Variants in MAP4 observed in about 807,000 individuals in gnomAD.
MAP4 encodes microtubule-associated protein 4.
Under a neutral mutation model 170.2 loss-of-function variants are expected in MAP4, and 76 were observed. The observed-to-expected ratio is 0.45, with a 90% CI of 0.37 to 0.54. The LOEUF (loss-of-function observed/expected upper bound fraction) is 0.54, where lower values mean the gene tolerates loss of function less well. Ranked by LOEUF, MAP4 falls within the 20% of genes least tolerant of loss-of-function variation. The pLI is 0.00. For missense variants in MAP4, 2,506 were observed against 2,748.0 expected (o/e 0.91, Z 1.97); for synonymous variants, 909 against 994.5 (o/e 0.91, Z 1.62).
chr3:48,024,530 T>C (rs1423182272), intron 1 of MAP4, among the ~76,000 whole-genome samples: 1 of 152,160 alleles, frequency 6.6e-6, no homozygotes, highest in Non-Finnish European at 1.5e-5. Context: ...TGCTTGCTGG[T>C]GCTCTTTGCT....
chr3:48,063,253 T>G (rs1384254440), intron 1 of MAP4, among the ~76,000 whole-genome samples: 1 of 151,596 alleles, frequency 6.6e-6, no homozygotes, highest in Non-Finnish European at 1.5e-5. Flanking sequence ...ATAGGAAATC[T>G]CATTCATTGC....
At position 47,852,884 on chromosome 3, in the gene MAP4, C is replaced by G. The variant is rs748737939; in HGVS notation, c.*50G>C. The G allele has an allele frequency of 6.3e-7, 1 of 1,592,070 alleles. No individual in the cohort carries two copies. Among genetic ancestry groups the G allele is most frequent in the East Asian group, 2.3e-5 (1 of 43,514 alleles). On this transcript the variant is annotated 3_prime_UTR_variant, in exon 21 of 21. Transcript: ENST00000683076. ...GGGGGGCGGGAGACAATGTCGGCCC[C>G]GTGGTCGGTGCGGGCCCTGGCATTT...
chr3:47,867,853 A>G (rs2083240987), intron 16 of MAP4, among the ~76,000 whole-genome samples: 1 of 152,244 alleles, frequency 6.6e-6, no homozygotes, highest in African/African-American at 2.4e-5. Context: ...AGCACTGGGC[A>G]GCTGGCAACA....
In MAP4 at chr3:48,074,725, T is replaced by TGTGTGTGTGA. The variant is rs756153345; in HGVS notation, c.-20+14047_-20+14048insTCACACACAC. Among the ~76,000 whole-genome samples the TGTGTGTGTGA allele has an allele frequency of 1.5e-3, 222 of 147,378 alleles. 1 individual carries two copies. The highest frequency in any genetic ancestry group is 4.4e-3 in the African/African-American group (173 of 39,306). ...GTGTGTGTGTGTGTGTGTGTGTGTG[T>TGTGTGTGTGA]GATATGTCGGCCAGACTGGTCTCGA... On this transcript the variant is annotated intron_variant, in intron 1 of 18. Coordinates refer to the MAP4 transcript ENST00000360240.
At chr3:47,876,826 T>A (rs1485412929) in intron 11 of MAP4, 4 of 152,178 alleles carry the variant, frequency 2.6e-5, no homozygotes, top group Non-Finnish European at 5.9e-5. Flanking sequence ...AGTAAATAAT[T>A]CAGAATTTAT....
intron 1 of MAP4, among the ~76,000 whole-genome samples, chr3:48,030,866 T>G (rs1366166624): frequency 6.7e-6 from 1 of 148,700 alleles, no homozygotes; most frequent in Non-Finnish European, 1.5e-5. Context: ...CTAAAAAAGT[T>G]CCCAATGACC....
At chr3:47,974,635 A>T in intron 3 of MAP4, 1 of 952,194 alleles carries the variant, frequency 1.1e-6, no homozygotes, top group Non-Finnish European at 1.3e-6. Context: ...CTATAAATAC[A>T]ATCAAAGCAT....
chr3:47,954,685 G>A (rs2100066613), intron 3 of MAP4, among the ~76,000 whole-genome samples: 1 of 152,200 alleles, frequency 6.6e-6, no homozygotes, highest in Non-Finnish European at 1.5e-5. Flanking sequence ...AGACCTTTCA[G>A]GGATTACTAA....
At chr3:48,087,741 A>ACGCGCGCGCACACACACACACACGCG (rs5848844) in intron 1 of MAP4, among the ~76,000 whole-genome samples, 2 of 125,172 alleles carry the variant, frequency 1.6e-5, no homozygotes, top group Admixed American at 8.0e-5. Flanking sequence ...ACACACACGC[A>ACGCGCGCGCACACACACACACACGCG]CGCGCACACA....
rs1396343522 is a variant in MAP4, at chr3:47,910,847, C to T, written c.3574G>A (p.Gly1192Arg). 6.5e-7 allele frequency: 1 copy of T among 1,536,128 alleles called. No individual in the cohort carries two copies. Among genetic ancestry groups the T allele is most frequent in the Non-Finnish European group, 8.7e-7 (1 of 1,146,904 alleles). ...DMGVNNQSKEGRCPWKDHEAA... is the reference protein window; with the variant it reads ...DMGVNNQSKERRCPWKDHEAA... Reference sequence around the variant, plus strand: ...TCATGATCCTTCCATGGACACCTTCCTTCCTTGCTCTGGTTATTGACACCC... The same window carrying T: ...TCATGATCCTTCCATGGACACCTTCTTTCCTTGCTCTGGTTATTGACACCC... The change falls in exon 9 of 21, where the codon GGA becomes AGA. Residue 1192 changes from glycine (G) to arginine (R), a missense_variant. Around this residue, in one of 3 missense-constraint regions of MAP4, gnomAD observed 2,008 missense variants for 2,206.0 expected, o/e 0.91. Coordinates refer to ENST00000683076, the MANE Select transcript of MAP4 (RefSeq NM_001385682.1).
intron 3 of MAP4, among the ~76,000 whole-genome samples, chr3:47,948,328 G>A (rs181727921): frequency 5.8e-4 from 87 of 151,248 alleles, no homozygotes; most frequent in Non-Finnish European, 1.1e-3. Flanking sequence ...CAACCTCCTG[G>A]GCTCAAGCGA....
At chr3:47,997,735 G>A (rs1415912927) in intron 2 of MAP4, among the ~76,000 whole-genome samples, 2 of 151,482 alleles carry the variant, frequency 1.3e-5, no homozygotes, top group East Asian at 1.9e-4. Context: ...AAGAAAGAAA[G>A]AAACATCACA....
Position 47,917,047 on chromosome 3 carries a change from G to A in MAP4, c.780C>T (p.Leu260=), listed in dbSNP as rs139887668. 50 of 1,614,040 alleles carry A rather than the reference G, an allele frequency of 3.1e-5. No homozygotes were observed. Among genetic ancestry groups the A allele is most frequent in the South Asian group, 4.4e-5 (4 of 91,086 alleles). Reference sequence around the variant, plus strand: ...TTGTAGCTAGTGCCATGTCCTTGGCGAGGGCCATCTCTGTTTCTTTAGATG... The same window carrying A: ...TTGTAGCTAGTGCCATGTCCTTGGCAAGGGCCATCTCTGTTTCTTTAGATG... The part of the protein sequence containing the change: ...MAPSKETEMA[L]AKDMALATKT... Residue 260 remains leucine (L), a synonymous_variant, in exon 7 of 21, where the codon CTC becomes CTT. Transcript: ENST00000683076.
chr3:47,893,026 T>TTA (rs2100024868), intron 10 of MAP4, among the ~76,000 whole-genome samples: 1 of 118,192 alleles, frequency 8.5e-6, no homozygotes, highest in Non-Finnish European at 1.8e-5. Flanking sequence ...AAAATTGGAC[T>TTA]AAAAAAAAAA....
intron 10 of MAP4, among the ~76,000 whole-genome samples, chr3:47,895,036 G>GGGGGTGA (rs2100026074): frequency 6.9e-6 from 1 of 145,710 alleles, no homozygotes; most frequent in Non-Finnish European, 1.5e-5. Context: ...AAAAAAAAAA[G>GGGGGTGA]GGGGTGAGGA....
intron 2 of MAP4, among the ~76,000 whole-genome samples, chr3:47,981,767 A>C (rs957778653): frequency 4.3e-5 from 6 of 140,032 alleles, no homozygotes; most frequent in Admixed American, 7.2e-5. Context: ...TCCATCTCCC[A>C]AAAAAAAAAA....
chr3:48,063,708 C>T (rs373108321), intron 1 of MAP4, among the ~76,000 whole-genome samples: 115 of 152,068 alleles, frequency 7.6e-4, no homozygotes, highest in African/African-American at 2.7e-3. Flanking sequence ...CATTGAGAAA[C>T]CTCAAATGCA....
intron 17 of MAP4, among the ~76,000 whole-genome samples, chr3:47,862,966 T>G (rs572012095): frequency 9.6e-5 from 13 of 136,040 alleles, no homozygotes; most frequent in South Asian, 2.3e-4. Context: ...TAAAAAGTTG[T>G]TTTTTTTTTT....
chr3:47,936,585 C>T (rs745689877), intron 3 of MAP4, among the ~76,000 whole-genome samples: 2 of 151,546 alleles, frequency 1.3e-5, no homozygotes, highest in Non-Finnish European at 2.9e-5. Flanking sequence ...TAATGGCACA[C>T]GTAACATTGA....
Sources: gnomAD v4.1 joint callset for allele counts (sites outside exome capture counted in the v4.1 genomes callset) on GRCh38, gnomAD v4.1.1 for gene constraint, gnomAD v4.1.1 regional missense constraint, MANE v1.5 for transcripts, NCBI Gene and HGNC (gene_info 2026-07-23, HGNC 2026-07-21) for gene names.